Variants in FHIT observed in about 807,000 individuals in gnomAD.
FHIT encodes fragile histidine triad diadenosine triphosphatase.
A neutral mutation model predicts 17.9 loss-of-function variants in FHIT; 19 were observed. The observed-to-expected ratio is 1.06, with a 90% CI of 0.74 to 1.56. FHIT has a LOEUF of 1.56. FHIT is among the 40% of genes most tolerant of loss of function. The probability of loss-of-function intolerance (pLI) is 0.00; values close to 1 mark genes in which losing one functional copy is unlikely to be tolerated. For synonymous variants in FHIT, 81 were observed against 69.7 expected, an observed-to-expected ratio of 1.16 and a Z score of -0.81; for missense variants, 248 against 189.2, an observed-to-expected ratio of 1.31 and a Z score of -1.82.
At position 60,723,594 on chromosome 3, in the gene FHIT, A is replaced by G. The variant is rs955789730; in HGVS notation, c.-18+98325T>C. On this transcript the variant is annotated intron_variant, in intron 4 of 9. Transcript: ENST00000492590. ...GCAGCTTGTTGCTTAAGGAACTAAGAGCATCCTGTGTGACTGCATTGGAAG... is the reference window on the plus strand; with the variant it reads ...GCAGCTTGTTGCTTAAGGAACTAAGGGCATCCTGTGTGACTGCATTGGAAG... Among the ~76,000 whole-genome samples the G allele has an allele frequency of 7.2e-5, 11 of 152,202 alleles. No homozygotes were observed. In the South Asian group the frequency reaches 1.0e-3, roughly 14 times the overall value.
rs185086448 is a variant in FHIT at position 60,924,753 on chromosome 3, C to A, written c.-110-102742G>T. Among the ~76,000 whole-genome samples, 24 of 151,964 alleles carry A rather than the reference C, an allele frequency of 1.6e-4. No homozygotes were observed. In the East Asian group the frequency reaches 4.1e-3, roughly 26 times the overall value. ...GAGAAGAAGGCTTCAGACGATCAAA[C>A]TACTCCGACCTAAAGGAGGAAGTTT... On this transcript the variant is annotated intron_variant, in intron 3 of 9. Coordinates refer to ENST00000492590, the MANE Select transcript of FHIT (RefSeq NM_002012.4).
At chr3:61,140,773 C>G (rs2037058594) in intron 2 of FHIT, among the ~76,000 whole-genome samples, 2 of 152,066 alleles carry the variant, frequency 1.3e-5, no homozygotes, top group African/African-American at 4.8e-5. Flanking sequence ...CATAGCATAC[C>G]AGTTCATTAA....
At chr3:60,754,860 C>A (rs1289269015) in intron 4 of FHIT, among the ~76,000 whole-genome samples, 2 of 152,126 alleles carry the variant, frequency 1.3e-5, no homozygotes, top group African/African-American at 4.8e-5. Context: ...TTAGTCATAC[C>A]CATTCCTAGC....
intron 3 of FHIT, among the ~76,000 whole-genome samples, chr3:60,873,362 G>T (rs1217611163): frequency 6.6e-6 from 1 of 152,186 alleles, no homozygotes; most frequent in African/African-American, 2.4e-5. Context: ...GTTGTTTTCT[G>T]TCATGTCAGG....
intron 5 of FHIT, among the ~76,000 whole-genome samples, chr3:60,047,102 A>G (rs1310018063): frequency 6.6e-6 from 1 of 152,224 alleles, no homozygotes; most frequent in African/African-American, 2.4e-5. Context: ...GAATTTGTTA[A>G]ATTTTATAAT....
At chr3:61,242,741 G>C (rs767980904) in intron 1 of FHIT, among the ~76,000 whole-genome samples, 1 of 152,118 alleles carries the variant, frequency 6.6e-6, no homozygotes, top group African/African-American at 2.4e-5. Flanking sequence ...AGTGCTGATC[G>C]GTCGAATTGG....
intron 5 of FHIT, among the ~76,000 whole-genome samples, chr3:60,070,234 A>G (rs1299774484): frequency 6.6e-6 from 1 of 152,170 alleles, no homozygotes; most frequent in East Asian, 1.9e-4. Context: ...GAAGCTCTCC[A>G]GGTGTTCTGA....
chr3:59,902,140 G>A (rs565531776), intron 8 of FHIT, among the ~76,000 whole-genome samples: 6 of 152,178 alleles, frequency 3.9e-5, no homozygotes, highest in South Asian at 4.2e-4. Flanking sequence ...AATGAGCAAC[G>A]GACCCGCATG....
intron 8 of FHIT, among the ~76,000 whole-genome samples, chr3:59,864,270 G>T (rs1038877289): frequency 6.6e-6 from 1 of 151,912 alleles, no homozygotes; most frequent in Non-Finnish European, 1.5e-5. Context: ...CATGGGGGCT[G>T]GTCTGGCCCA....
chr3:60,178,692 T>C (rs190339674), intron 5 of FHIT, among the ~76,000 whole-genome samples: 3 of 152,302 alleles, frequency 2.0e-5, no homozygotes, highest in African/African-American at 7.2e-5. Context: ...CTATTTAAAC[T>C]ACGTTGTTTT....
At position 61,149,773 on chromosome 3, in the gene FHIT, G is replaced by A. The variant is rs181087868; in HGVS notation, c.-164+50844C>T. Among the ~76,000 whole-genome samples, 326 of 152,160 alleles carry A rather than the reference G, an allele frequency of 2.1e-3. 4 individuals carry two copies. Among genetic ancestry groups the A allele is most frequent in the South Asian group, 5.2e-3 (25 of 4,814 alleles). ...TGCGCACCTGTAGCCTCAGCTACTC[G>A]GGAGGCTGATGGGGGAGGATTGCTT... is the stretch of plus-strand genomic sequence containing the variant. On this transcript the variant is annotated intron_variant, in intron 2 of 9. Coordinates refer to ENST00000492590, the MANE Select transcript of FHIT (RefSeq NM_002012.4).
intron 2 of FHIT, among the ~76,000 whole-genome samples, chr3:61,190,733 A>G (rs2038687578): frequency 6.6e-6 from 1 of 152,202 alleles, no homozygotes; most frequent in Admixed American, 6.5e-5. Context: ...TATATACACC[A>G]TGGAATACTA....
intron 5 of FHIT, among the ~76,000 whole-genome samples, chr3:60,349,519 T>G (rs1385358077): frequency 1.3e-5 from 2 of 152,228 alleles, no homozygotes; most frequent in African/African-American, 2.4e-5. Flanking sequence ...AGGAGTTTAC[T>G]CTCTATTTTT....
intron 3 of FHIT, among the ~76,000 whole-genome samples, chr3:60,857,742 A>C (rs1553750341): frequency 6.6e-6 from 1 of 152,120 alleles, no homozygotes; most frequent in African/African-American, 2.4e-5. Flanking sequence ...CAGCCTGGGC[A>C]ACAAAGCAAG....
chr3:59,895,214 T>C (rs1704017853), intron 8 of FHIT, among the ~76,000 whole-genome samples: 1 of 152,212 alleles, frequency 6.6e-6, no homozygotes, highest in Non-Finnish European at 1.5e-5. Flanking sequence ...TGAGAAATCC[T>C]GGATTAGCAC....
At chr3:59,940,327 A>T (rs1363243923) in intron 7 of FHIT, among the ~76,000 whole-genome samples, 1 of 152,204 alleles carries the variant, frequency 6.6e-6, no homozygotes, top group African/African-American at 2.4e-5. Context: ...AGTTAAAAAA[A>T]ATTCACAATT....
chr3:60,552,133 A>C (rs1354170537), intron 4 of FHIT, among the ~76,000 whole-genome samples: 1 of 152,256 alleles, frequency 6.6e-6, no homozygotes, highest in Admixed American at 6.5e-5. Context: ...CATGTGTTCA[A>C]GATTCATCCA....
At chr3:60,109,414 T>C (rs1041356321) in intron 5 of FHIT, among the ~76,000 whole-genome samples, 2 of 151,098 alleles carry the variant, frequency 1.3e-5, no homozygotes, top group South Asian at 2.1e-4. Flanking sequence ...TTTTACTCTA[T>C]AAGTGAGTCT....
At chr3:60,568,130 T>G (rs538123308) in intron 4 of FHIT, among the ~76,000 whole-genome samples, 158 of 152,268 alleles carry the variant, frequency 1.0e-3, no homozygotes, top group Non-Finnish European at 1.6e-3. Context: ...GGATTATAAA[T>G]CATGCTGCTA....
Sources: gnomAD v4.1 joint callset for allele counts (sites outside exome capture counted in the v4.1 genomes callset) on GRCh38, gnomAD v4.1.1 for gene constraint, MANE v1.5 for transcripts, NCBI Gene and HGNC (gene_info 2026-07-23, HGNC 2026-07-21) for gene names.